ME1: variants seen among roughly 807,000 people sequenced by gnomAD.
ME1 encodes NADP-dependent malic enzyme.
In ME1, 74 loss-of-function variants were observed where a neutral mutation model predicts 66.4. The ratio of observed to expected loss-of-function variants is 1.11; its 90% CI spans 0.92 to 1.35. The LOEUF (loss-of-function observed/expected upper bound fraction) is 1.35, where lower values mean the gene tolerates loss of function less well. Among genes scored for constraint, ME1 ranks in the 40% most tolerant of loss-of-function variants. ME1 has a pLI of 0.00. For missense variants in ME1, 750 were observed against 694.1 expected, an observed-to-expected ratio of 1.08 and a Z score of -0.90; for synonymous variants, 251 against 235.6, an observed-to-expected ratio of 1.07 and a Z score of -0.60.
intron 4 of ME1, among the ~76,000 whole-genome samples, chr6:83,347,643 T>G (rs750897465): frequency 1.8e-4 from 28 of 152,162 alleles, no homozygotes; most frequent in Admixed American, 2.6e-4. Context: ...CAATAAATAT[T>G]AGTAAATTGA....
intron 3 of ME1, among the ~76,000 whole-genome samples, chr6:83,397,815 C>A (rs972297329): frequency 1.3e-5 from 2 of 152,162 alleles, no homozygotes; most frequent in Non-Finnish European, 2.9e-5. Context: ...GAAAGAAATT[C>A]TGTCATTTGC....
chr6:83,372,083 T>C (rs1303358728), intron 3 of ME1, among the ~76,000 whole-genome samples: 2 of 152,204 alleles, frequency 1.3e-5, no homozygotes, highest in Non-Finnish European at 2.9e-5. Context: ...GTATTCATTA[T>C]TTTATTCCAA....
chr6:83,349,987 A>T (rs1406498201), intron 4 of ME1, among the ~76,000 whole-genome samples: 1 of 152,200 alleles, frequency 6.6e-6, no homozygotes, highest in Non-Finnish European at 1.5e-5. Context: ...CAACTTTGCT[A>T]GAAAAGTTTT....
At chr6:83,324,230 A>C (rs907567351) in intron 5 of ME1, among the ~76,000 whole-genome samples, 21 of 151,896 alleles carry the variant, frequency 1.4e-4, no homozygotes, top group African/African-American at 4.6e-4. Flanking sequence ...CCACAGGAGA[A>C]AGGGGGAAAG....
chr6:83,415,512 A>C (rs1052400787), intron 1 of ME1, among the ~76,000 whole-genome samples: 5 of 152,206 alleles, frequency 3.3e-5, no homozygotes, highest in Admixed American at 3.3e-4. Flanking sequence ...TAAATAAGCA[A>C]ATGGATGTAT....
chr6:83,404,978 T>A (rs950489936), intron 2 of ME1, among the ~76,000 whole-genome samples: 1 of 152,246 alleles, frequency 6.6e-6, no homozygotes, highest in African/African-American at 2.4e-5. Flanking sequence ...TACAATTTTC[T>A]TGGCTATGCA....
intron 6 of ME1, among the ~76,000 whole-genome samples, chr6:83,283,110 C>T (rs987204933): frequency 6.7e-6 from 1 of 148,892 alleles, no homozygotes; most frequent in African/African-American, 2.5e-5. Flanking sequence ...CGCCTGTAGT[C>T]CCAGCTACTC....
chr6:83,210,553 A>G lies in ME1; in HGVS notation c.*1371T>C, dbSNP rs1789854890. The G allele has an allele frequency of 6.6e-6, 1 of 152,592 alleles. No individual in the cohort carries two copies. Among genetic ancestry groups the G allele is most frequent in the African/African-American group, 2.4e-5 (1 of 41,464 alleles). 9.5% of individuals were successfully genotyped at this position (152,592 alleles called of 1,614,324 possible). ...GATTCTTCTCCAAATAACTATTTTG[A>G]GGAAACTCTTGACTATATGTTACCT... On this transcript the variant is annotated 3_prime_UTR_variant, in exon 14 of 14. Coordinates refer to ENST00000369705, the MANE Select transcript of ME1 (RefSeq NM_002395.6).
chr6:83,334,712 C>A (rs1283379652), intron 5 of ME1, among the ~76,000 whole-genome samples: 1 of 41,740 alleles, frequency 2.4e-5, no homozygotes, highest in Non-Finnish European at 4.2e-5. Context: ...CACACTGACA[C>A]CTCACACGGC....
chr6:83,279,572 C>G (rs906514501), intron 6 of ME1, among the ~76,000 whole-genome samples: 4 of 151,694 alleles, frequency 2.6e-5, no homozygotes, highest in Non-Finnish European at 5.9e-5. Context: ...GAAACGTCAA[C>G]AGAAACTTCC....
chr6:83,269,471 G>A (rs187069710), intron 6 of ME1, among the ~76,000 whole-genome samples: 4 of 152,208 alleles, frequency 2.6e-5, no homozygotes, highest in East Asian at 1.9e-4. Flanking sequence ...TTTAGTGGAG[G>A]TATTATGAAG....
Position 83,405,719 on chromosome 6 carries a change from G to GT in ME1, c.212+2048dup, listed in dbSNP as rs1382746837. ...ATTGAGAGTTTTTTTTGTTGTTGTTGTTGTTTTTTTTTTTTTTTTTGAGAC... is the reference window on the plus strand; with the variant it reads ...ATTGAGAGTTTTTTTTGTTGTTGTTGTTTGTTTTTTTTTTTTTTTTTGAGAC... On this transcript the variant is annotated intron_variant, in intron 2 of 13. Coordinates refer to ENST00000369705, the MANE Select transcript of ME1 (RefSeq NM_002395.6). Among the ~76,000 whole-genome samples, 259 of 140,508 alleles carry GT rather than the reference G, an allele frequency of 1.8e-3. 3 individuals are homozygous for GT. Among genetic ancestry groups the GT allele is most frequent in the Middle Eastern group, 7.9e-3 (2 of 252 alleles). The allele number at this position is 140,508 out of a possible 152,430, so 92.2% of individuals were successfully genotyped here.
chr6:83,347,098 C>T (rs775733817), intron 4 of ME1, among the ~76,000 whole-genome samples: 4 of 151,944 alleles, frequency 2.6e-5, no homozygotes, highest in Admixed American at 6.6e-5. Flanking sequence ...GGATTACAGG[C>T]GCCCGCCACC....
chr6:83,305,741 G>A (rs1767813218), intron 6 of ME1, among the ~76,000 whole-genome samples: 1 of 152,064 alleles, frequency 6.6e-6, no homozygotes, highest in African/African-American at 2.4e-5. Context: ...GTCCAGATAC[G>A]ATATTAGTTG....
At chr6:83,286,326 G>A (rs1018074175) in intron 6 of ME1, among the ~76,000 whole-genome samples, 2 of 152,142 alleles carry the variant, frequency 1.3e-5, no homozygotes, top group Non-Finnish European at 2.9e-5. Context: ...AAATGTACTA[G>A]CTGTGACTCG....
intron 3 of ME1, among the ~76,000 whole-genome samples, chr6:83,372,930 A>T (rs1769217828): frequency 6.6e-6 from 1 of 152,240 alleles, no homozygotes; most frequent in Non-Finnish European, 1.5e-5. Flanking sequence ...ATATTCAAAC[A>T]GCTGAAATAA....
chr6:83,294,510 C>T (rs933429007), intron 6 of ME1, among the ~76,000 whole-genome samples: 2 of 152,150 alleles, frequency 1.3e-5, no homozygotes, highest in Admixed American at 1.3e-4. Context: ...CAAGCAGAGC[C>T]CCCTGCTCAG....
intron 3 of ME1, among the ~76,000 whole-genome samples, chr6:83,390,004 G>A (rs2128549632): frequency 6.6e-6 from 1 of 152,088 alleles, no homozygotes; most frequent in East Asian, 1.9e-4. Context: ...AAGTATCTAT[G>A]CCAAAAAGAA....
At chr6:83,275,100 G>A (rs1479205366) in intron 6 of ME1, among the ~76,000 whole-genome samples, 3 of 152,106 alleles carry the variant, frequency 2.0e-5, no homozygotes, top group Non-Finnish European at 4.4e-5. Flanking sequence ...TTGGAAGGCC[G>A]AGGTGGGCGG....
Sources: allele counts gnomAD v4.1 joint callset (sites outside exome capture counted in the v4.1 genomes callset), GRCh38; gene constraint gnomAD v4.1.1; transcripts MANE v1.5; gene names NCBI Gene and HGNC (gene_info 2026-07-23, HGNC 2026-07-21).